The following SDK2 variants were observed in gnomAD, a reference collection of about 807,000 sequenced individuals.
SDK2 encodes protein sidekick-2.
SDK2 carries 105 observed loss-of-function variants against 253.9 expected under a neutral mutation model. The observed-to-expected ratio is 0.41, with a 90% confidence interval of 0.35 to 0.49. SDK2 has a LOEUF of 0.49. Ranked by LOEUF, SDK2 falls within the 20% of genes least tolerant of loss-of-function variation. The pLI, the probability that SDK2 is intolerant of heterozygous loss-of-function variation, is 0.06. For missense variants in SDK2, 2,608 were observed against 3,003.0 expected, an observed-to-expected ratio of 0.87 and a Z score of 3.07; for synonymous variants, 1,249 against 1,234.9, an observed-to-expected ratio of 1.01 and a Z score of -0.24.
At chr17:73,385,030 G>A (rs1043448574) in intron 32 of SDK2, among the ~76,000 whole-genome samples, 10 of 152,182 alleles carry the variant, frequency 6.6e-5, no homozygotes, top group Admixed American at 5.9e-4. Flanking sequence ...AGGCTGGGGG[G>A]ACCCTCCTGG....
rs2062363432 is a variant in SDK2 at position 73,334,456 on chromosome 17, CA to C, written c.*4130del. The C allele has an allele frequency of 1.3e-5, 2 of 152,200 alleles. No homozygotes were observed. Among genetic ancestry groups the C allele is most frequent in the Non-Finnish European group, 2.9e-5 (2 of 68,002 alleles). 9.4% of individuals were successfully genotyped at this position (152,200 alleles called of 1,614,324 possible). ...ACGGGACTTCTTGTGGTATATATTT[CA>C]AATCAATTTCTTTCTTACCTTTCAT... On this transcript the variant is annotated 3_prime_UTR_variant, in exon 45 of 45. Transcript: ENST00000392650.
intron 44 of SDK2, among the ~76,000 whole-genome samples, chr17:73,348,127 C>A (rs2062500715): frequency 1.3e-5 from 2 of 152,270 alleles, no homozygotes; most frequent in African/African-American, 4.8e-5. Context: ...CTGGTCTACA[C>A]TGCTTCTCAT....
At chr17:73,610,724 C>T (rs1368273811) in intron 1 of SDK2, among the ~76,000 whole-genome samples, 2 of 152,158 alleles carry the variant, frequency 1.3e-5, no homozygotes, top group East Asian at 3.9e-4. Context: ...GTTAGGTGTG[C>T]CCAGGAAGGA....
chr17:73,560,226 G>C (rs1321684277), intron 1 of SDK2, among the ~76,000 whole-genome samples: 1 of 152,240 alleles, frequency 6.6e-6, no homozygotes, highest in African/African-American at 2.4e-5. Flanking sequence ...ACAAGGTGTT[G>C]TTAGAAAGAC....
At chr17:73,342,135 T>C (rs1053357266) in intron 44 of SDK2, among the ~76,000 whole-genome samples, 8 of 142,282 alleles carry the variant, frequency 5.6e-5, no homozygotes, top group African/African-American at 2.1e-4. Flanking sequence ...CCCTAGTCCA[T>C]CTGCTAATTT....
intron 1 of SDK2, among the ~76,000 whole-genome samples, chr17:73,584,888 C>T (rs576234419): frequency 4.6e-5 from 7 of 152,240 alleles, no homozygotes; most frequent in Non-Finnish European, 8.8e-5. Context: ...AACAGGAAGA[C>T]GCTCAGGTCG....
chr17:73,503,973 C>A (rs778977064), intron 2 of SDK2, among the ~76,000 whole-genome samples: 1 of 152,294 alleles, frequency 6.6e-6, no homozygotes, highest in South Asian at 2.1e-4. Context: ...GTGGGCACAG[C>A]TGAGCGACTT....
chr17:73,341,801 G>A (rs949117781), intron 44 of SDK2, among the ~76,000 whole-genome samples: 1 of 152,110 alleles, frequency 6.6e-6, no homozygotes, highest in African/African-American at 2.4e-5. Flanking sequence ...AATGATCCCC[G>A]CTAATGGAGC....
rs3079765 is a variant in SDK2 at position 73,337,053 on chromosome 17, ATG to A, written c.*1532_*1533del. ...TCCTTGGAGCAGATTGTGTATGTGT[ATG>A]TGTGTGTGTGTGTGTGTGTGTGTGT... On this transcript the variant is annotated 3_prime_UTR_variant, in exon 45 of 45. Transcript: ENST00000392650. The A allele has an allele frequency of 4.7e-3, 697 of 148,560 alleles. 5 individuals carry two copies. Among genetic ancestry groups the A allele is most frequent in the Middle Eastern group, 0.011 (3 of 284 alleles). The allele number at this position is 148,560 out of a possible 1,614,324, so 9.2% of individuals were successfully genotyped here. A position where few individuals can be genotyped will look rare whatever the true frequency, so the allele number is the denominator to read the frequency against.
At chr17:73,367,568 T>C (rs1007975921) in intron 37 of SDK2, among the ~76,000 whole-genome samples, 2 of 151,490 alleles carry the variant, frequency 1.3e-5, no homozygotes, top group African/African-American at 4.9e-5. Flanking sequence ...AGTAGCACAA[T>C]CTCGGCTCAC....
chr17:73,496,146 A>AT lies in SDK2; in HGVS notation c.224+11291dup, dbSNP rs2063840287. ...GCCCTGCTGGGTGGGAGTCAGCGTCATGCCCTTGGTGGCTCTCAGACCATC... is the reference window on the plus strand; with the variant it reads ...GCCCTGCTGGGTGGGAGTCAGCGTCATTGCCCTTGGTGGCTCTCAGACCATC... On this transcript the variant is annotated intron_variant, in intron 2 of 44. Transcript: ENST00000392650. The surrounding 1 kb of genome is among the most constrained non-coding windows in gnomAD (Gnocchi z 4.7). 6.6e-6 allele frequency among the ~76,000 whole-genome samples: 1 copy of AT among 152,196 alleles called. No individual in the cohort carries two copies. Among genetic ancestry groups the AT allele is most frequent in the Non-Finnish European group, 1.5e-5 (1 of 68,028 alleles).
intron 4 of SDK2, among the ~76,000 whole-genome samples, chr17:73,453,115 T>A (rs1757142959): frequency 6.6e-6 from 1 of 152,178 alleles, no homozygotes; most frequent in Admixed American, 6.5e-5. Flanking sequence ...CAGAGTCTAT[T>A]TTCCTACATC....
rs2062367605 is a variant in SDK2 at position 73,335,053 on chromosome 17, T to G, written c.*3534A>C. On this transcript the variant is annotated 3_prime_UTR_variant, in exon 45 of 45. Coordinates refer to ENST00000392650, the MANE Select transcript of SDK2 (RefSeq NM_001144952.2). ...GCCCCCGCTGTGTCCTTGTTTCCTC[T>G]AAATCACGGCAGTGCCAGGTTTGGG... 6.6e-6 allele frequency: 1 copy of G among 151,204 alleles called. No individual in the cohort carries two copies. The highest frequency in any genetic ancestry group is 1.5e-5 in the Non-Finnish European group (1 of 67,972). The allele number at this position is 151,204 out of a possible 1,614,324, so 9.4% of individuals were successfully genotyped here.
intron 1 of SDK2, among the ~76,000 whole-genome samples, chr17:73,588,749 G>A (rs1405868834): frequency 2.6e-5 from 4 of 152,364 alleles, no homozygotes; most frequent in South Asian, 4.1e-4. Flanking sequence ...CAGTAGTGCG[G>A]AGACTGGGAA....
rs770491431 is a variant in SDK2 at position 73,361,693 on chromosome 17, G to C, written c.5458C>G (p.Pro1820Ala). The C allele has an allele frequency of 2.2e-5, 36 of 1,611,570 alleles. No homozygotes were observed. In the Admixed American group the frequency reaches 5.3e-4, roughly 24 times the overall value. The change falls in exon 39 of 45, where the codon CCC (proline) becomes GCC (alanine). Residue 1820 changes from proline to alanine, a missense_variant. Coordinates refer to ENST00000392650, the MANE Select transcript of SDK2 (RefSeq NM_001144952.2). The surrounding 1 kb of genome is among the most constrained non-coding windows in gnomAD (Gnocchi z 4.1). ...TCCGTTGCTCTCCTACCTTCTCCGG[G>C]GCCCGTGGTGACGTTGGCTTCGATC... ...PEIEANVTTG[P>A]GEGAPGPPGV... is the part of the protein sequence containing the mutation.
At position 73,642,743 on chromosome 17, in the gene SDK2, T is replaced by C. The variant is rs2046413350; in HGVS notation, c.64+1282A>G. Reference sequence around the variant, plus strand: ...GATTTTATGATGATCATAAAAATAATAACTTTTATTACCCTACATTTATAG... The same window carrying C: ...GATTTTATGATGATCATAAAAATAACAACTTTTATTACCCTACATTTATAG... On this transcript the variant is annotated intron_variant, in intron 1 of 44. Transcript: ENST00000392650. The surrounding 1 kb of genome is among the most constrained non-coding windows in gnomAD (Gnocchi z 4.7). 6.6e-6 allele frequency among the ~76,000 whole-genome samples: 1 copy of C among 152,246 alleles called. No homozygotes were observed. The highest frequency in any genetic ancestry group is 2.4e-5 in the African/African-American group (1 of 41,474).
At position 73,423,527 on chromosome 17, in the gene SDK2, A is replaced by G; in HGVS notation, c.1761-5T>C. On this transcript the variant is annotated splice_region_variant and splice_polypyrimidine_tract_variant and intron_variant, in intron 13 of 44. Coordinates refer to ENST00000392650, the MANE Select transcript of SDK2 (RefSeq NM_001144952.2). ...TCGGGCGCGTGGGGCAGTTGCCTGG[A>G]AAAGAGACACGTGGTCAGGCATCCC... is the stretch of plus-strand genomic sequence containing the variant. 1 of 1,545,150 alleles carries G rather than the reference A, an allele frequency of 6.5e-7. No homozygotes were observed. Among genetic ancestry groups the G allele is most frequent in the South Asian group, 1.3e-5 (1 of 79,590 alleles).
At chr17:73,417,738 G>A (rs1281465261) in intron 16 of SDK2, among the ~76,000 whole-genome samples, 9 of 152,014 alleles carry the variant, frequency 5.9e-5, no homozygotes, top group South Asian at 2.1e-4. Flanking sequence ...AAAGTTACTC[G>A]CCCAGGTGGA....
chr17:73,536,574 G>A (rs1287279474), intron 1 of SDK2, among the ~76,000 whole-genome samples: 1 of 152,216 alleles, frequency 6.6e-6, no homozygotes, highest in Non-Finnish European at 1.5e-5. Flanking sequence ...GACCAGGGGG[G>A]CCACACAGAG....
Sources: gnomAD v4.1 joint callset for allele counts (sites outside exome capture counted in the v4.1 genomes callset) on GRCh38, gnomAD v4.1.1 for gene constraint, Gnocchi (gnomAD v3.1) non-coding constraint, MANE v1.5 for transcripts, NCBI Gene and HGNC (gene_info 2026-07-23, HGNC 2026-07-21) for gene names.